FBXO40: variants seen among roughly 807,000 people sequenced by gnomAD.
FBXO40 encodes F-box only protein 40.
Under a neutral mutation model 49.9 loss-of-function variants are expected in FBXO40, and 50 were observed. That is an observed-to-expected ratio of 1.00 (90% CI 0.80 to 1.27). FBXO40 has a LOEUF of 1.27. Among genes scored for constraint, FBXO40 ranks in the 50% most tolerant of loss-of-function variants. The pLI, the probability that FBXO40 is intolerant of heterozygous loss-of-function variation, is 0.00. For synonymous variants in FBXO40, 340 were observed against 320.2 expected (o/e 1.06, Z -0.66); for missense variants, 895 against 870.1 (o/e 1.03, Z -0.36).
At chr3:121,612,893 C>T (rs1487651741) in intron 1 of FBXO40, among the ~76,000 whole-genome samples, 1 of 151,964 alleles carries the variant, frequency 6.6e-6, no homozygotes, top group Non-Finnish European at 1.5e-5. Context: ...CACAGTGAAA[C>T]CCCGTCTCTA....
chr3:121,612,363 G>A (rs1442567892), intron 1 of FBXO40, among the ~76,000 whole-genome samples: 1 of 152,138 alleles, frequency 6.6e-6, no homozygotes, highest in Non-Finnish European at 1.5e-5. Context: ...AGGGTAAGGA[G>A]GAGGTGATGG....
Position 121,628,150 on chromosome 3 carries a change from C to A in FBXO40, c.*1240C>A. ...GGCTTCTTAGCCTTGGAACTATTGACATTTTTAAATGGATAATTCTTTTTT... is the reference window on the plus strand; with the variant it reads ...GGCTTCTTAGCCTTGGAACTATTGAAATTTTTAAATGGATAATTCTTTTTT... On this transcript the variant is annotated 3_prime_UTR_variant, in exon 4 of 4. Coordinates refer to ENST00000338040, the MANE Select transcript of FBXO40 (RefSeq NM_016298.4). 5.3e-6 allele frequency: 2 copies of A among 380,690 alleles called. No individual in the cohort carries two copies. The highest frequency in any genetic ancestry group is 4.6e-6 in the Non-Finnish European group (1 of 216,120). The allele number at this position is 380,690 out of a possible 1,614,324, so 23.6% of individuals were successfully genotyped here. A position where few individuals can be genotyped will look rare whatever the true frequency, so the allele number is the denominator to read the frequency against.
intron 3 of FBXO40, among the ~76,000 whole-genome samples, chr3:121,625,264 C>T (rs1560133699): frequency 6.6e-6 from 1 of 152,186 alleles, no homozygotes; most frequent in Non-Finnish European, 1.5e-5. Context: ...CATGGTAAAC[C>T]TGTTGGTACT....
intron 1 of FBXO40, among the ~76,000 whole-genome samples, chr3:121,608,454 T>C (rs1283233020): frequency 6.6e-6 from 1 of 152,232 alleles, no homozygotes; most frequent in East Asian, 1.9e-4. Flanking sequence ...AAGAGGCTCA[T>C]CTCTTAAGTT....
intron 1 of FBXO40, among the ~76,000 whole-genome samples, chr3:121,617,769 G>A (rs187219314): frequency 1.4e-4 from 21 of 152,294 alleles, no homozygotes; most frequent in Admixed American, 5.9e-4. Flanking sequence ...GGAGGCCGAG[G>A]CAGGCGGATC....
intron 1 of FBXO40, among the ~76,000 whole-genome samples, chr3:121,611,455 A>G (rs557361307): frequency 6.6e-6 from 1 of 152,192 alleles, no homozygotes; most frequent in Admixed American, 6.5e-5. Context: ...GTTTCTCTCC[A>G]CCCAAACATC....
chr3:121,604,403 G>A (rs1031778712), intron 1 of FBXO40, among the ~76,000 whole-genome samples: 40 of 152,164 alleles, frequency 2.6e-4, no homozygotes, highest in African/African-American at 9.7e-4. Context: ...ATAGGGCCCA[G>A]TAAACCCTAC....
rs1314527172 is a variant in FBXO40 at position 121,621,972 on chromosome 3, A to T, written c.543A>T (p.Val181=). 5.6e-6 allele frequency: 9 copies of T among 1,614,066 alleles called. No homozygotes were observed. The Admixed American group carries it at 1.5e-4, about 27-fold the overall frequency. ...TGGGTGGAGTGGATATCGGTTTGGT[A>T]CCACATGGTCTGTCAGCAACTAATG... is the stretch of plus-strand genomic sequence containing the variant. ...GAVGGVDIGL[V]PHGLSATNGE... is the part of the protein sequence containing the mutation. Residue 181 remains valine (V), a synonymous_variant, in exon 3 of 4, where the codon GTA becomes GTT. Coordinates refer to ENST00000338040, the MANE Select transcript of FBXO40 (RefSeq NM_016298.4).
chr3:121,613,613 G>A (rs897091068), intron 1 of FBXO40, among the ~76,000 whole-genome samples: 1 of 152,182 alleles, frequency 6.6e-6, no homozygotes, highest in Non-Finnish European at 1.5e-5. Context: ...TTTTTGCAAG[G>A]AAAGTCATAA....
At chr3:121,619,055 G>A (rs949996466) in intron 1 of FBXO40, among the ~76,000 whole-genome samples, 3 of 151,926 alleles carry the variant, frequency 2.0e-5, no homozygotes, top group African/African-American at 7.3e-5. Context: ...GAGTGCAGTG[G>A]TGTCATTACA....
chr3:121,618,601 G>A (rs2049011969), intron 1 of FBXO40, among the ~76,000 whole-genome samples: 1 of 148,834 alleles, frequency 6.7e-6, no homozygotes, highest in Admixed American at 6.7e-5. Flanking sequence ...TCACCATGTT[G>A]ACTAGGCTGG....
rs1293099885 is a variant in FBXO40, at chr3:121,620,587, C to A, written c.3+9C>A. ...GAAATTGGGGCGCCATGGTAAGCAC[C>A]AGGAGCTTATTGAAGCTTCACCATT... On this transcript the variant is annotated intron_variant, in intron 2 of 3. Coordinates refer to ENST00000338040, the MANE Select transcript of FBXO40 (RefSeq NM_016298.4). 6 of 1,614,088 alleles carry A rather than the reference C, an allele frequency of 3.7e-6. No individual in the cohort carries two copies. The highest frequency in any genetic ancestry group is 5.1e-6 in the Non-Finnish European group (6 of 1,179,996).
chr3:121,614,268 T>G (rs1010440691), intron 1 of FBXO40, among the ~76,000 whole-genome samples: 4 of 35,712 alleles, frequency 1.1e-4, no homozygotes, highest in Admixed American at 8.4e-4. Context: ...AGACTCTAGC[T>G]CAAAAAAAAA....
rs1576457812 is a variant in FBXO40, at chr3:121,627,684, A to G, written c.*774A>G. On this transcript the variant is annotated 3_prime_UTR_variant, in exon 4 of 4. Transcript: ENST00000338040. ...CCAACTTACTTTGTAACATTTTAAT[A>G]ATGACTTAAGGGTCAAGATTTTTTT... 2.5e-6 allele frequency: 1 copy of G among 396,362 alleles called. No homozygotes were observed. The highest frequency in any genetic ancestry group is 3.6e-5 in the East Asian group (1 of 27,930). 24.6% of individuals were successfully genotyped at this position (396,362 alleles called of 1,614,324 possible).
intron 1 of FBXO40, among the ~76,000 whole-genome samples, chr3:121,608,632 A>G (rs1038898111): frequency 1.3e-5 from 2 of 152,110 alleles, no homozygotes; most frequent in African/African-American, 2.4e-5. Context: ...CCCATCATCC[A>G]CTGGTGCCCT....
At position 121,621,686 on chromosome 3, in the gene FBXO40, A is replaced by G; in HGVS notation, c.257A>G (p.Gln86Arg). The change falls in exon 3 of 4, where the codon CAG (glutamine) becomes CGG (arginine). Residue 86 changes from glutamine to arginine, a missense_variant. Physicochemically the swap from Gln to Arg is conservative, Grantham distance 43. Transcript: ENST00000338040. Reference protein sequence around the residue: ...MSRHKLAKHLQVCPASVVCCS... With the variant: ...MSRHKLAKHLRVCPASVVCCS... ...CGCCACAAACTGGCCAAGCACCTGCAGGTGTGCCCCGCCAGCGTGGTCTGC... is the reference window on the plus strand; with the variant it reads ...CGCCACAAACTGGCCAAGCACCTGCGGGTGTGCCCCGCCAGCGTGGTCTGC... 6.2e-7 allele frequency: 1 copy of G among 1,614,240 alleles called. No homozygotes were observed. Among genetic ancestry groups the G allele is most frequent in the South Asian group, 1.1e-5 (1 of 91,084 alleles).
chr3:121,593,403 C>G lies in FBXO40; in HGVS notation c.-130C>G, dbSNP rs2048854049. 1 of 152,346 alleles carries G rather than the reference C, an allele frequency of 6.6e-6. No homozygotes were observed. Among genetic ancestry groups the G allele is most frequent in the African/African-American group, 2.4e-5 (1 of 41,464 alleles). 9.4% of individuals were successfully genotyped at this position (152,346 alleles called of 1,614,324 possible). ...TGCCTTCCCAACAGAACGCTGTCCT[C>G]TACTGCAGCTGATGCAACCCAGCCA... On this transcript the variant is annotated 5_prime_UTR_variant, in exon 1 of 4. Coordinates refer to ENST00000338040, the MANE Select transcript of FBXO40 (RefSeq NM_016298.4).
rs1225434781 is a variant in FBXO40, at chr3:121,627,731, G to C, written c.*821G>C. 22 of 397,822 alleles carry C rather than the reference G, an allele frequency of 5.5e-5. No individual in the cohort carries two copies. The East Asian group carries it at 7.5e-4, about 14-fold the overall frequency. The allele number at this position is 397,822 out of a possible 1,614,324, so 24.6% of individuals were successfully genotyped here. ...TTTTCTTCTGAAAATTATGTTCTGA[G>C]TTAGGCAGAACATAGCCATGGCCCT... On this transcript the variant is annotated 3_prime_UTR_variant, in exon 4 of 4. Transcript: ENST00000338040.
chr3:121,603,948 G>T (rs1257413381), intron 1 of FBXO40, among the ~76,000 whole-genome samples: 3 of 152,202 alleles, frequency 2.0e-5, no homozygotes, highest in African/African-American at 7.2e-5. Flanking sequence ...TCGATCTCTT[G>T]ACCTGGTGAT....
Sources: allele counts gnomAD v4.1 joint callset (sites outside exome capture counted in the v4.1 genomes callset), GRCh38; gene constraint gnomAD v4.1.1; transcripts MANE v1.5; gene names NCBI Gene and HGNC (gene_info 2026-07-23, HGNC 2026-07-21).